CDH13: variants seen among roughly 807,000 people sequenced by gnomAD.
CDH13 encodes the protein cadherin 13.
A neutral mutation model predicts 63.8 loss-of-function variants in CDH13; 24 were observed. The observed-to-expected ratio is 0.38, with a 90% CI of 0.27 to 0.53. The LOEUF (loss-of-function observed/expected upper bound fraction) is 0.53. Ranked by LOEUF, CDH13 falls within the 20% of genes least tolerant of loss-of-function variation. The pLI is 0.85. For synonymous variants in CDH13, 503 were observed against 355.3 expected (o/e 1.42, Z -4.67); for missense variants, 1,049 against 903.1 (o/e 1.16, Z -2.07).
intron 11 of CDH13, among the ~76,000 whole-genome samples, chr16:83,772,373 A>T (rs908119089): frequency 2.0e-5 from 3 of 152,118 alleles, no homozygotes; most frequent in Non-Finnish European, 4.4e-5. Flanking sequence ...GCTCCACTTG[A>T]AGCCATTTGG....
At chr16:83,473,325 A>T (rs2073511928) in intron 6 of CDH13, among the ~76,000 whole-genome samples, 1 of 152,232 alleles carries the variant, frequency 6.6e-6, no homozygotes, top group Non-Finnish European at 1.5e-5. Flanking sequence ...TGGAGAACAC[A>T]TGTTTGCAAA....
chr16:83,081,395 A>G (rs558073720), intron 3 of CDH13, among the ~76,000 whole-genome samples: 215 of 152,292 alleles, frequency 1.4e-3, no homozygotes, highest in Middle Eastern at 3.4e-3. Context: ...TAGGGGTGTT[A>G]CTGCAGGGCC....
chr16:82,712,571 C>G (rs2032030479), intron 1 of CDH13, among the ~76,000 whole-genome samples: 1 of 152,320 alleles, frequency 6.6e-6, no homozygotes, highest in South Asian at 2.1e-4. Context: ...CACACCTGTC[C>G]TTTGTCCCTT....
chr16:83,251,986 C>T (rs959917210), intron 5 of CDH13, among the ~76,000 whole-genome samples: 1 of 151,654 alleles, frequency 6.6e-6, no homozygotes, highest in African/African-American at 2.4e-5. Context: ...CAGCAGTGTC[C>T]TGTATTGACT....
At chr16:82,665,254 G>T (rs1350702785) in intron 1 of CDH13, among the ~76,000 whole-genome samples, 1 of 152,184 alleles carries the variant, frequency 6.6e-6, no homozygotes, top group Non-Finnish European at 1.5e-5. Flanking sequence ...GCTCTCTAGT[G>T]TCTCTAAGTG....
At chr16:82,781,089 G>A (rs766363701) in intron 1 of CDH13, among the ~76,000 whole-genome samples, 1 of 152,172 alleles carries the variant, frequency 6.6e-6, no homozygotes, top group Non-Finnish European at 1.5e-5. Flanking sequence ...TTTTTTAAGT[G>A]TATCTTCTGA....
chr16:83,568,793 G>A (rs755634085), intron 7 of CDH13, among the ~76,000 whole-genome samples: 4 of 152,112 alleles, frequency 2.6e-5, no homozygotes, highest in African/African-American at 4.8e-5. Context: ...CTCCTCCAGA[G>A]CTCCTCGTGA....
At chr16:83,534,757 T>C (rs1442201395) in intron 7 of CDH13, among the ~76,000 whole-genome samples, 4 of 152,222 alleles carry the variant, frequency 2.6e-5, no homozygotes, top group African/African-American at 9.6e-5. Flanking sequence ...ACTTCCTCAC[T>C]ATTATGAGCA....
At chr16:82,813,376 C>T (rs1032949415) in intron 1 of CDH13, among the ~76,000 whole-genome samples, 3 of 152,118 alleles carry the variant, frequency 2.0e-5, no homozygotes, top group African/African-American at 4.8e-5. Context: ...TTGTTTTTAA[C>T]CCCTGCATCC....
At chr16:83,503,067 G>A (rs2074318874) in intron 7 of CDH13, among the ~76,000 whole-genome samples, 1 of 152,172 alleles carries the variant, frequency 6.6e-6, no homozygotes, top group Non-Finnish European at 1.5e-5. Context: ...ACAGAGAGAG[G>A]GGCTCCTTGC....
intron 5 of CDH13, among the ~76,000 whole-genome samples, chr16:83,336,631 A>T (rs1019417776): frequency 5.9e-5 from 9 of 152,228 alleles, no homozygotes; most frequent in Non-Finnish European, 8.8e-5. Flanking sequence ...CGAATGTTGA[A>T]CTATATCATC....
In CDH13 at chr16:83,659,699, C is replaced by T. The variant is rs546869376; in HGVS notation, c.1102-11091C>T. Among the ~76,000 whole-genome samples the T allele has an allele frequency of 2.0e-5, 3 of 151,942 alleles. No homozygotes were observed. The South Asian group carries it at 6.2e-4, about 32-fold the overall frequency. On this transcript the variant is annotated intron_variant, in intron 8 of 13. Transcript: ENST00000567109. ...AGAATGACAGCTTTAGTCTGATACC[C>T]TTTTCTCAGATAAGTGAACTGGGAC...
intron 3 of CDH13, among the ~76,000 whole-genome samples, chr16:83,097,987 G>A (rs984145341): frequency 6.6e-6 from 1 of 152,162 alleles, no homozygotes. Flanking sequence ...TAGTCAAGAA[G>A]CATATCTGGA....
At chr16:83,328,153 A>C (rs963726848) in intron 5 of CDH13, among the ~76,000 whole-genome samples, 1 of 151,704 alleles carries the variant, frequency 6.6e-6, no homozygotes, top group Non-Finnish European at 1.5e-5. Context: ...AAGAAAAAAA[A>C]TTGAGACCTC....
chr16:83,051,891 T>C (rs2030379473), intron 3 of CDH13, among the ~76,000 whole-genome samples: 2 of 152,252 alleles, frequency 1.3e-5, no homozygotes, highest in African/African-American at 2.4e-5. Context: ...CGTCTTTCTT[T>C]CCTTGATTTA....
intron 1 of CDH13, among the ~76,000 whole-genome samples, chr16:82,831,971 T>G (rs965737255): frequency 1.3e-5 from 2 of 152,236 alleles, no homozygotes; most frequent in African/African-American, 4.8e-5. Context: ...ACATGGAATA[T>G]GATAGCTGTA....
chr16:82,776,757 G>C (rs534057431), intron 1 of CDH13, among the ~76,000 whole-genome samples: 3 of 152,308 alleles, frequency 2.0e-5, no homozygotes, highest in Admixed American at 1.3e-4. Flanking sequence ...GAACTGATTT[G>C]AGGTGGCTTC....
intron 2 of CDH13, among the ~76,000 whole-genome samples, chr16:82,869,609 C>T (rs538460704): frequency 6.6e-6 from 1 of 152,112 alleles, no homozygotes; most frequent in African/African-American, 2.4e-5. Flanking sequence ...GTAACTAAAA[C>T]AGTGTGATAC....
At chr16:82,912,480 G>A (rs1189358013) in intron 2 of CDH13, among the ~76,000 whole-genome samples, 1 of 152,224 alleles carries the variant, frequency 6.6e-6, no homozygotes, top group Admixed American at 6.5e-5. Context: ...CCCAGCTGGT[G>A]TAAAACCCTC....
Sources: gnomAD v4.1 joint callset for allele counts (sites outside exome capture counted in the v4.1 genomes callset) on GRCh38, gnomAD v4.1.1 for gene constraint, MANE v1.5 for transcripts, NCBI Gene and HGNC (gene_info 2026-07-23, HGNC 2026-07-21) for gene names.